TM9SF3: variants seen among roughly 807,000 people sequenced by gnomAD.
TM9SF3 encodes the protein SM-11044-binding protein.
TM9SF3 carries 14 observed loss-of-function variants against 78.6 expected under a neutral mutation model. The ratio of observed to expected loss-of-function variants is 0.18; its 90% CI spans 0.12 to 0.28. The LOEUF (loss-of-function observed/expected upper bound fraction) is 0.28. Among genes scored for constraint, TM9SF3 ranks in the 10% least tolerant of loss-of-function variants. TM9SF3 has a pLI of 1.00. For synonymous variants in TM9SF3, 231 were observed against 241.7 expected (o/e 0.96, Z 0.41); for missense variants, 496 against 721.9 (o/e 0.69, Z 3.59).
chr10:96,545,166 T>C (rs116959612), intron 8 of TM9SF3, among the ~76,000 whole-genome samples: 2,272 of 152,308 alleles, frequency 0.015, 23 homozygotes, highest in Non-Finnish European at 0.024. Context: ...AGAGCTGTCT[T>C]TCTAATACAG....
chr10:96,536,580 A>T (rs1167930667), intron 9 of TM9SF3, among the ~76,000 whole-genome samples: 1 of 152,136 alleles, frequency 6.6e-6, no homozygotes, highest in Non-Finnish European at 1.5e-5. Context: ...GTTTTCCTAC[A>T]TATAGTCAAC....
At chr10:96,576,488 G>C (rs974510409) in intron 2 of TM9SF3, 146 bp downstream of exon 2, 18 of 719,272 alleles carry the variant, frequency 2.5e-5, no homozygotes, top group African/African-American at 2.4e-4. Flanking sequence ...GGGGGTACAG[G>C]CCAGGGACTC....
intron 3 of TM9SF3, among the ~76,000 whole-genome samples, chr10:96,565,093 A>T (rs895591664): frequency 6.6e-6 from 1 of 152,170 alleles, no homozygotes; most frequent in Non-Finnish European, 1.5e-5. Context: ...TAAAAAAGTT[A>T]TATTTTAGGC....
chr10:96,580,134 A>G (rs890507823), intron 1 of TM9SF3, among the ~76,000 whole-genome samples: 12 of 152,322 alleles, frequency 7.9e-5, no homozygotes, highest in Admixed American at 5.9e-4. Flanking sequence ...GAGGAGGCCA[A>G]TTCAGGCTAC....
chr10:96,574,853 CG>C (rs1231001018), intron 2 of TM9SF3, among the ~76,000 whole-genome samples: 1 of 152,092 alleles, frequency 6.6e-6, no homozygotes, highest in Admixed American at 6.5e-5. Flanking sequence ...TGTTCTCACT[CG>C]TAAGTGGGAA....
Position 96,559,731 on chromosome 10 carries a change from T to C in TM9SF3, c.588A>G (p.Lys196=). Residue 196 remains lysine (K), a synonymous_variant, in exon 5 of 15, where the codon AAA becomes AAG. Transcript: ENST00000371142. ...NTKIQMSYSV[K]WKKSDVKFED... Reference sequence around the variant, plus strand: ...CAAATTTCACATCTGACTTTTTCCATTTTACCTAAAAAAAATTTTTTCATT... The same window carrying C: ...CAAATTTCACATCTGACTTTTTCCACTTTACCTAAAAAAAATTTTTTCATT... 2 of 1,565,202 alleles carry C rather than the reference T, an allele frequency of 1.3e-6. No individual in the cohort carries two copies. The highest frequency in any genetic ancestry group is 1.7e-6 in the Non-Finnish European group (2 of 1,152,128).
intron 8 of TM9SF3, 57 bp downstream of exon 8, chr10:96,547,838 C>A: frequency 1.4e-6 from 2 of 1,438,438 alleles, no homozygotes; most frequent in South Asian, 2.3e-5. Flanking sequence ...AAAAAAATCT[C>A]ATAGTAAAAT....
In TM9SF3 at chr10:96,519,777, G is replaced by GACAC. The variant is rs370648153; in HGVS notation, c.*2482_*2485dup. 4.0e-5 allele frequency: 6 copies of GACAC among 151,424 alleles called. No homozygotes were observed. Among genetic ancestry groups the GACAC allele is most frequent in the Non-Finnish European group, 7.4e-5 (5 of 67,608 alleles). 9.4% of individuals were successfully genotyped at this position (151,424 alleles called of 1,614,324 possible). On this transcript the variant is annotated 3_prime_UTR_variant, in exon 15 of 15. Transcript: ENST00000371142. ...TTGTGAATTACATCTTCTTTAAGAA[G>GACAC]ACACACACACACGCACACACATACA...
At chr10:96,575,807 T>TAATCACCC (rs1848490375) in intron 2 of TM9SF3, among the ~76,000 whole-genome samples, 1 of 151,636 alleles carries the variant, frequency 6.6e-6, no homozygotes. Context: ...CCAAGACACC[T>TAATCACCC]AATCAAAGAT....
chr10:96,572,633 T>C (rs1274308906), intron 2 of TM9SF3, among the ~76,000 whole-genome samples: 3 of 151,416 alleles, frequency 2.0e-5, no homozygotes, highest in Non-Finnish European at 4.4e-5. Context: ...TTCACGCCAT[T>C]CTCCTGCCTC....
chr10:96,577,848 G>A (rs940365971), intron 1 of TM9SF3, among the ~76,000 whole-genome samples: 3 of 152,126 alleles, frequency 2.0e-5, no homozygotes, highest in Non-Finnish European at 2.9e-5. Context: ...TTGCTATGGG[G>A]CACATAATAG....
At chr10:96,568,577 G>A (rs1270450932) in intron 2 of TM9SF3, among the ~76,000 whole-genome samples, 1 of 152,178 alleles carries the variant, frequency 6.6e-6, no homozygotes, top group African/African-American at 2.4e-5. Flanking sequence ...AAAGCACTGA[G>A]AAAAGAAAGT....
chr10:96,583,679 G>A (rs895125887), intron 1 of TM9SF3, among the ~76,000 whole-genome samples: 1 of 150,438 alleles, frequency 6.6e-6, no homozygotes, highest in Non-Finnish European at 1.5e-5. Context: ...CTACAAAATG[G>A]GCATATTACT....
At position 96,586,818 on chromosome 10, in the gene TM9SF3, G is replaced by C. The variant is rs1451484616; in HGVS notation, c.18C>G (p.Gly6=). ...CGGCGGCCGCCGCCACGCCAAGAGC[G>C]CCAGGCAGCGGCCTCATCCTCCGCG... MRPLP[G]ALGVAAAAAL... Residue 6 remains glycine, a synonymous_variant, in exon 1 of 15, where the codon GGC becomes GGG. Transcript: ENST00000371142. The C allele has an allele frequency of 1.4e-5, 17 of 1,255,264 alleles. No individual in the cohort carries two copies. Among genetic ancestry groups the C allele is most frequent in the Non-Finnish European group, 1.6e-5 (16 of 1,001,028 alleles). The allele number at this position is 1,255,264 out of a possible 1,614,324, so 77.8% of individuals were successfully genotyped here.
intron 6 of TM9SF3, among the ~76,000 whole-genome samples, chr10:96,552,149 A>T (rs1395105966): frequency 2.0e-5 from 3 of 152,148 alleles, no homozygotes; most frequent in African/African-American, 2.4e-5. Context: ...ATTAAAATTT[A>T]AAATTTGAAA....
chr10:96,530,684 G>A, intron 10 of TM9SF3, 76 bp from the exon 11 acceptor site: 1 of 1,307,574 alleles, frequency 7.6e-7, no homozygotes, highest in Non-Finnish European at 1.1e-6. Flanking sequence ...CAGAAAGCAG[G>A]TACTTGACAC....
chr10:96,527,088 C>T lies in TM9SF3; in HGVS notation c.1702+125G>A, dbSNP rs185147083. 13 of 690,128 alleles carry T rather than the reference C, an allele frequency of 1.9e-5. No individual in the cohort carries two copies. The African/African-American group carries it at 2.2e-4, about 11-fold the overall frequency. The allele number at this position is 690,128 out of a possible 1,614,324, so 42.8% of individuals were successfully genotyped here. The stretch of plus-strand genomic sequence containing the variant: ...AAGAGTCAAAAGGACTGAAATCAGA[C>T]TCGGGTTTATTTTGGTGTTTCTGAT... On this transcript the variant is annotated intron_variant, in intron 14 of 14. Transcript: ENST00000371142.
intron 2 of TM9SF3, among the ~76,000 whole-genome samples, chr10:96,574,182 AG>A (rs1276217160): frequency 2.0e-5 from 3 of 152,198 alleles, no homozygotes; most frequent in African/African-American, 7.2e-5. Flanking sequence ...CATCTGACAA[AG>A]GGCTAATATC....
intron 10 of TM9SF3, among the ~76,000 whole-genome samples, chr10:96,532,140 G>C (rs1381416786): frequency 6.6e-6 from 1 of 151,554 alleles, no homozygotes; most frequent in African/African-American, 2.4e-5. Flanking sequence ...AATCCAGGAA[G>C]TGGAGCTTGC....
Sources: allele counts gnomAD v4.1 joint callset (sites outside exome capture counted in the v4.1 genomes callset), GRCh38; gene constraint gnomAD v4.1.1; transcripts MANE v1.5; gene names NCBI Gene and HGNC (gene_info 2026-07-23, HGNC 2026-07-21).